BCL11A: variants seen among roughly 807,000 people sequenced by gnomAD.
BCL11A encodes BCL11 transcription factor A, also known as B cell CLL/lymphoma 11A.
In BCL11A, 2 loss-of-function variants were observed where a neutral mutation model predicts 55.9. That is an observed-to-expected ratio of 0.04 (90% CI 0.01 to 0.11). The LOEUF is 0.11. Among genes scored for constraint, BCL11A ranks in the 10% least tolerant of loss-of-function variants. The pLI is 1.00. For missense variants in BCL11A, 817 were observed against 1,137.1 expected, an observed-to-expected ratio of 0.72 and a Z score of 4.05; for synonymous variants, 465 against 473.4, an observed-to-expected ratio of 0.98 and a Z score of 0.23.
At chr2:60,471,867 A>G (rs1677221064) in intron 2 of BCL11A, among the ~76,000 whole-genome samples, 1 of 152,212 alleles carries the variant, frequency 6.6e-6, no homozygotes, top group Non-Finnish European at 1.5e-5. Flanking sequence ...GACTTACTGA[A>G]TCAGAAATTG....
intron 2 of BCL11A, among the ~76,000 whole-genome samples, chr2:60,476,070 G>A (rs1313619547): frequency 6.6e-6 from 1 of 152,200 alleles, no homozygotes; most frequent in Non-Finnish European, 1.5e-5. Context: ...GCCTCCTTTG[G>A]ACCAACCAAG....
At chr2:60,523,554 C>T (rs533357396) in intron 2 of BCL11A, among the ~76,000 whole-genome samples, 35 of 151,712 alleles carry the variant, frequency 2.3e-4, no homozygotes, top group African/African-American at 7.5e-4. Context: ...CATGCATATA[C>T]GTATGTATAT....
Position 60,462,182 on chromosome 2 carries a change from G to A in BCL11A, c.730C>T (p.Pro244Ser), listed in dbSNP as rs775416531. ...DNNPFNLLRI[P>S]GSVSREASGL... ...GAAGCCTCTCTCGATACTGATCCTG[G>A]TATTCTTAGCAGGTTAAAGGGGTTA... is the stretch of plus-strand genomic sequence containing the variant. Residue 244 changes from proline (P) to serine (S), a missense_variant, in exon 4 of 4, where the codon CCA becomes TCA. Around this residue, in one of 4 missense-constraint regions of BCL11A, gnomAD observed 363 missense variants for 486.6 expected, o/e 0.75. Coordinates refer to ENST00000642384, the MANE Select transcript of BCL11A (RefSeq NM_022893.4). 2 of 1,593,582 alleles carry A rather than the reference G, an allele frequency of 1.3e-6. No homozygotes were observed. Among genetic ancestry groups the A allele is most frequent in the Non-Finnish European group, 1.7e-6 (2 of 1,170,240 alleles).
At chr2:60,550,703 T>C (rs1453095965) in intron 1 of BCL11A, among the ~76,000 whole-genome samples, 2 of 151,806 alleles carry the variant, frequency 1.3e-5, no homozygotes, top group Non-Finnish European at 2.9e-5. Flanking sequence ...GTACTAACCC[T>C]CCCAGCCTAG....
intron 2 of BCL11A, chr2:60,543,253 T>A (rs1012184658): frequency 1.3e-5 from 2 of 152,174 alleles, no homozygotes; most frequent in Admixed American, 6.5e-5. Context: ...CCAACTTACA[T>A]CACTTTAATA....
chr2:60,543,853 T>G (rs1670034409), intron 2 of BCL11A: 1 of 152,130 alleles, frequency 6.6e-6, no homozygotes, highest in African/African-American at 2.4e-5. Context: ...GTTAAATGAT[T>G]GATTATTAGC....
chr2:60,529,845 A>C (rs571831069), intron 2 of BCL11A, among the ~76,000 whole-genome samples: 1 of 152,314 alleles, frequency 6.6e-6, no homozygotes, highest in African/African-American at 2.4e-5. Context: ...ACAGGTCCCC[A>C]AACCACTTGA....
intron 1 of BCL11A, 24 bp downstream of exon 1, chr2:60,553,192 T>C: frequency 6.3e-7 from 1 of 1,590,580 alleles, no homozygotes; most frequent in East Asian, 2.3e-5. Flanking sequence ...TAATAATTAT[T>C]ATTACTATTA....
intron 2 of BCL11A, among the ~76,000 whole-genome samples, chr2:60,491,700 A>AG (rs561209328): frequency 2.0e-5 from 3 of 151,460 alleles, no homozygotes; most frequent in Non-Finnish European, 2.9e-5. Flanking sequence ...AAAAAAAAAA[A>AG]AAAGAAAGAA....
chr2:60,479,161 T>G (rs549994382), intron 2 of BCL11A, among the ~76,000 whole-genome samples: 1 of 152,326 alleles, frequency 6.6e-6, no homozygotes, highest in Non-Finnish European at 1.5e-5. Context: ...CTAATTCTGC[T>G]GATTCCATAT....
At chr2:60,454,479 T>G (rs1452892783), downstream of BCL11A, among the ~76,000 whole-genome samples, 1 of 151,646 alleles carries the variant, frequency 6.6e-6, no homozygotes, top group Non-Finnish European at 1.5e-5. Flanking sequence ...AAAAAGAGAA[T>G]GGGATGGGTA....
chr2:60,495,139 C>A (rs1190852214), intron 2 of BCL11A, among the ~76,000 whole-genome samples: 1 of 152,248 alleles, frequency 6.6e-6, no homozygotes, highest in South Asian at 2.1e-4. Context: ...AATTCTCCAT[C>A]ACCAAGAGAG....
intron 2 of BCL11A, chr2:60,478,311 TGGACAGGGA>T (rs959990536): frequency 9.8e-5 from 15 of 152,312 alleles, no homozygotes; most frequent in Non-Finnish European, 1.0e-4. Context: ...TGTCCTGCTG[TGGACAGGGA>T]GGACAGGGCT....
chr2:60,519,125 C>G (rs934860372), intron 2 of BCL11A, among the ~76,000 whole-genome samples: 2 of 152,160 alleles, frequency 1.3e-5, no homozygotes, highest in African/African-American at 4.8e-5. Context: ...CAAGAAGCTT[C>G]TTTTCTCCCA....
At position 60,553,348 on chromosome 2, in the gene BCL11A, C is replaced by T; in HGVS notation, c.-78G>A. The T allele has an allele frequency of 6.9e-7, 1 of 1,458,228 alleles. No individual in the cohort carries two copies. Among genetic ancestry groups the T allele is most frequent in the East Asian group, 2.5e-5 (1 of 40,410 alleles). 90.3% of individuals were successfully genotyped at this position (1,458,228 alleles called of 1,614,324 possible). A position where few individuals can be genotyped will look rare whatever the true frequency, so the allele number is the denominator to read the frequency against. Reference sequence around the variant, plus strand: ...ACGGCTCGGTTCACATCGGGAGAGCCGGGTTAGAAAGAAGGAGACTCCAGA... The same window carrying T: ...ACGGCTCGGTTCACATCGGGAGAGCTGGGTTAGAAAGAAGGAGACTCCAGA... On this transcript the variant is annotated 5_prime_UTR_variant, in exon 1 of 4. Transcript: ENST00000642384.
In BCL11A at chr2:60,462,295, G is replaced by C; in HGVS notation, c.617C>G (p.Pro206Arg). The C allele has an allele frequency of 5.0e-6, 8 of 1,614,114 alleles. No individual in the cohort carries two copies. The highest frequency in any genetic ancestry group is 6.8e-6 in the Non-Finnish European group (8 of 1,180,016). ...RIYLESEHGS[P>R]LTPRVGIPSG... Reference sequence around the variant, plus strand: ...AGGGATACCAACCCGCGGGGTCAGGGGACTTCCGTGTTCGCTTTCTAAGTA... The same window carrying C: ...AGGGATACCAACCCGCGGGGTCAGGCGACTTCCGTGTTCGCTTTCTAAGTA... Residue 206 changes from proline (P) to arginine (R), a missense_variant, in exon 4 of 4, where the codon CCC (proline) becomes CGC (arginine). Transcript: ENST00000642384.
intron 3 of BCL11A, among the ~76,000 whole-genome samples, chr2:60,468,417 G>A (rs1677012422): frequency 6.6e-6 from 1 of 152,152 alleles, no homozygotes; most frequent in Non-Finnish European, 1.5e-5. Context: ...TGAATGTCCA[G>A]TAATAAAATG....
intron 2 of BCL11A, among the ~76,000 whole-genome samples, chr2:60,532,283 G>C (rs1440426596): frequency 6.7e-6 from 1 of 149,398 alleles, no homozygotes; most frequent in African/African-American, 2.5e-5. Flanking sequence ...TTAATAGTTT[G>C]AAGTTTTGAG....
At chr2:60,547,125 T>C (rs1573098265) in intron 1 of BCL11A, among the ~76,000 whole-genome samples, 1 of 152,098 alleles carries the variant, frequency 6.6e-6, no homozygotes, top group Admixed American at 6.5e-5. Context: ...TTCTGAGAAA[T>C]GGAATGCCTA....
Sources: allele counts gnomAD v4.1 joint callset (sites outside exome capture counted in the v4.1 genomes callset), GRCh38; gene constraint gnomAD v4.1.1; regional missense constraint gnomAD v4.1.1; transcripts MANE v1.5; gene names NCBI Gene and HGNC (gene_info 2026-07-23, HGNC 2026-07-21).